ZC3H8: variants seen among roughly 807,000 people sequenced by gnomAD.
ZC3H8 encodes zinc finger CCCH-type containing 8.
A neutral mutation model predicts 42.5 loss-of-function variants in ZC3H8; 27 were observed. That is an observed-to-expected ratio of 0.64 (90% CI 0.47 to 0.88). The LOEUF is 0.88. Ranked by LOEUF, ZC3H8 falls within the 40% of genes least tolerant of loss-of-function variation. The probability of loss-of-function intolerance (pLI) is 0.00; values close to 1 mark genes in which losing one functional copy is unlikely to be tolerated. For synonymous variants in ZC3H8, 101 were observed against 110.1 expected (o/e 0.92, Z 0.52); for missense variants, 277 against 336.1 (o/e 0.82, Z 1.37).
In ZC3H8 at chr2:112,238,455, C is replaced by G. The variant is rs766824277; in HGVS notation, c.230G>C (p.Ser77Thr). 1.9e-6 allele frequency: 3 copies of G among 1,613,400 alleles called. No homozygotes were observed. The highest frequency in any genetic ancestry group is 2.5e-6 in the Non-Finnish European group (3 of 1,179,862). Residue 77 changes from serine (S) to threonine (T), a missense_variant, in exon 3 of 9, where the codon AGT (serine) becomes ACT (threonine). Ser to Thr is a moderately conservative substitution (Grantham distance 58). Coordinates refer to ENST00000409573, the MANE Select transcript of ZC3H8 (RefSeq NM_032494.3). ...TTCCTGACTGCAGATATCATTATCA[C>G]TATATACATCATAGTCCTTACTTCT... Reference protein sequence around the residue: ...KSRSKDYDVYSDNDICSQESE... With the variant: ...KSRSKDYDVYTDNDICSQESE...
intron 8 of ZC3H8, among the ~76,000 whole-genome samples, chr2:112,222,530 G>A (rs899534002): frequency 2.0e-5 from 3 of 152,164 alleles, no homozygotes; most frequent in Admixed American, 6.5e-5. Flanking sequence ...TAAGCCTGTT[G>A]AGAAGGACAA....
At chr2:112,228,500 CAAAAA>C (rs1188593900) in intron 8 of ZC3H8, among the ~76,000 whole-genome samples, 1 of 77,066 alleles carries the variant, frequency 1.3e-5, no homozygotes, top group East Asian at 3.7e-4. Flanking sequence ...GACTCTGTCT[CAAAAA>C]AAAAAAAAAA....
chr2:112,238,833 C>A (rs1685458893), intron 2 of ZC3H8, among the ~76,000 whole-genome samples: 2 of 152,062 alleles, frequency 1.3e-5, no homozygotes, highest in African/African-American at 2.4e-5. Context: ...AAGTCTAAAC[C>A]CCTAAATCTT....
chr2:112,230,539 C>T (rs920371608), intron 8 of ZC3H8, among the ~76,000 whole-genome samples: 6 of 151,998 alleles, frequency 3.9e-5, no homozygotes, highest in East Asian at 1.9e-4. Flanking sequence ...TGCATCTACA[C>T]GAATGAATAA....
chr2:112,225,256 C>G (rs1684767506), intron 8 of ZC3H8, among the ~76,000 whole-genome samples: 1 of 151,688 alleles, frequency 6.6e-6, no homozygotes, highest in Admixed American at 6.6e-5. Context: ...AAAAAACTAA[C>G]AAAAATATGC....
chr2:112,252,404 C>T (rs988770784), intron 1 of ZC3H8, among the ~76,000 whole-genome samples: 5 of 152,192 alleles, frequency 3.3e-5, no homozygotes, highest in African/African-American at 9.7e-5. Context: ...AACATACCCA[C>T]GTTTGACCAC....
At chr2:112,227,479 C>T (rs1279913990) in intron 8 of ZC3H8, among the ~76,000 whole-genome samples, 6 of 152,178 alleles carry the variant, frequency 3.9e-5, no homozygotes, top group African/African-American at 2.4e-5. Flanking sequence ...GAACCGAGAT[C>T]GCGCCATTTG....
At chr2:112,229,249 A>G (rs1299113560) in intron 8 of ZC3H8, among the ~76,000 whole-genome samples, 1 of 152,212 alleles carries the variant, frequency 6.6e-6, no homozygotes, top group East Asian at 1.9e-4. Context: ...TGTGGGAAAA[A>G]GGGAACAACA....
intron 8 of ZC3H8, among the ~76,000 whole-genome samples, chr2:112,222,011 A>C (rs1221614591): frequency 2.0e-5 from 3 of 151,890 alleles, no homozygotes; most frequent in Non-Finnish European, 2.9e-5. Flanking sequence ...TCAATCTTTG[A>C]AGTTGCTGTC....
At position 112,211,837 on chromosome 2, in the gene ZC3H8, G is replaced by A. The variant is rs1050526380; in HGVS notation, c.*4647C>T. On this transcript the variant is annotated 3_prime_UTR_variant, in exon 9 of 9. Transcript: ENST00000409573. ...TAAATGAGTGTTACAAATTTCACAG[G>A]AATCAACAGCACTTTTAAGATGAGT... 2 of 151,968 alleles carry A rather than the reference G, an allele frequency of 1.3e-5. No homozygotes were observed. The highest frequency in any genetic ancestry group is 2.9e-5 in the Non-Finnish European group (2 of 67,996). The allele number at this position is 151,968 out of a possible 1,614,324, so 9.4% of individuals were successfully genotyped here. A position where few individuals can be genotyped will look rare whatever the true frequency, so the allele number is the denominator to read the frequency against.
intron 5 of ZC3H8, 129 bp downstream of exon 5, chr2:112,233,991 T>C (rs549054608): frequency 4.1e-4 from 238 of 584,438 alleles, no homozygotes; most frequent in Non-Finnish European, 6.1e-4. Flanking sequence ...AATACTTCAC[T>C]AAAATTTTCT....
intron 2 of ZC3H8, among the ~76,000 whole-genome samples, chr2:112,245,517 GATGGTGC>G (rs1685728502): frequency 2.0e-5 from 3 of 152,202 alleles, no homozygotes; most frequent in Admixed American, 2.0e-4. Context: ...AACTGGGTGT[GATGGTGC>G]ACACCCGTAG....
In ZC3H8 at chr2:112,212,349, T is replaced by G. The variant is rs567187100; in HGVS notation, c.*4135A>C. 1.6e-4 allele frequency: 25 copies of G among 152,346 alleles called. No homozygotes were observed. In the East Asian group the frequency reaches 4.6e-3, roughly 28 times the overall value. 9.4% of individuals were successfully genotyped at this position (152,346 alleles called of 1,614,324 possible). A position where few individuals can be genotyped will look rare whatever the true frequency, so the allele number is the denominator to read the frequency against. ...TTTTGGGGGTCGAATACATTCAGTG[T>G]CTAACACTTCCTTAAACCTGTTTCT... On this transcript the variant is annotated 3_prime_UTR_variant, in exon 9 of 9. Coordinates refer to ENST00000409573, the MANE Select transcript of ZC3H8 (RefSeq NM_032494.3).
At chr2:112,222,667 TAAAA>T (rs965839160) in intron 8 of ZC3H8, among the ~76,000 whole-genome samples, 1 of 151,976 alleles carries the variant, frequency 6.6e-6, no homozygotes, top group Admixed American at 6.5e-5. Context: ...TTATATGAGA[TAAAA>T]AAAGGACATA....
rs1187928909 is a variant in ZC3H8, at chr2:112,231,874, A to G, written c.807T>C (p.Ala269=). ...YQGEYCKFSH[A]PLTPETQELL... ...ATTCTTGTGTTTCAGGAGTCAGTGGAGCATGAGAAAACTTGCAGTATTCTC... is the reference window on the plus strand; with the variant it reads ...ATTCTTGTGTTTCAGGAGTCAGTGGGGCATGAGAAAACTTGCAGTATTCTC... The change falls in exon 7 of 9, where the codon GCT becomes GCC. Residue 269 remains alanine, a synonymous_variant. Transcript: ENST00000409573. 1.3e-6 allele frequency: 2 copies of G among 1,595,146 alleles called. No homozygotes were observed. The highest frequency in any genetic ancestry group is 1.3e-5 in the African/African-American group (1 of 74,742).
Position 112,251,182 on chromosome 2 carries a change from A to C in ZC3H8, c.75-910T>G, listed in dbSNP as rs532910264. ...TTAAAATATGAGTTACACACCAGAT[A>C]AAGGCAAGGAATTGGGGAATGTGTC... On this transcript the variant is annotated intron_variant, in intron 1 of 8. Transcript: ENST00000409573. Among the ~76,000 whole-genome samples, 14 of 152,380 alleles carry C rather than the reference A, an allele frequency of 9.2e-5. 1 individual carries two copies. In the South Asian group the frequency reaches 2.9e-3, roughly 32 times the overall value.
intron 8 of ZC3H8, among the ~76,000 whole-genome samples, chr2:112,228,333 C>A (rs1193249498): frequency 2.0e-5 from 3 of 152,044 alleles, no homozygotes; most frequent in Non-Finnish European, 2.9e-5. Flanking sequence ...GAAAGCCTGT[C>A]TCTACTAAAA....
intron 5 of ZC3H8, 87 bp downstream of exon 5, chr2:112,234,033 A>G: frequency 1.7e-6 from 1 of 573,966 alleles, no homozygotes; most frequent in Non-Finnish European, 2.7e-6. Flanking sequence ...AAACAGCTTT[A>G]AAAACCTAAA....
At chr2:112,219,898 TA>T (rs1422402103) in intron 8 of ZC3H8, among the ~76,000 whole-genome samples, 1 of 152,228 alleles carries the variant, frequency 6.6e-6, no homozygotes, top group Non-Finnish European at 1.5e-5. Context: ...TGTGGTTATT[TA>T]AGTCACTTCA....
Sources: allele counts gnomAD v4.1 joint callset (sites outside exome capture counted in the v4.1 genomes callset), GRCh38; gene constraint gnomAD v4.1.1; transcripts MANE v1.5; gene names NCBI Gene and HGNC (gene_info 2026-07-23, HGNC 2026-07-21).